KNTC1: variants seen among roughly 807,000 people sequenced by gnomAD.
The protein encoded by KNTC1 is kinetochore-associated protein 1.
KNTC1 carries 253 observed loss-of-function variants against 314.4 expected under a neutral mutation model. The ratio of observed to expected loss-of-function variants is 0.80; its 90% CI spans 0.73 to 0.89. The LOEUF is 0.89. Ranked by LOEUF, KNTC1 falls within the 40% of genes least tolerant of loss-of-function variation. The pLI, the probability that KNTC1 is intolerant of heterozygous loss-of-function variation, is 0.00. For missense variants in KNTC1, 2,475 were observed against 2,572.9 expected (o/e 0.96, Z 0.82); for synonymous variants, 901 against 901.4 (o/e 1.00, Z 0.01).
chr12:122,577,793 T>C lies in KNTC1; in HGVS notation c.2841+2T>C. On this transcript the variant is annotated splice_donor_variant, in intron 31 of 63. Coordinates refer to ENST00000333479, the MANE Select transcript of KNTC1 (RefSeq NM_014708.6). LOFTEE classifies it high-confidence loss of function. ...GAAGAGCCAGATCATTCTAAAGAGG[T>C]GACATTTTCACTAAGTAAAATATAA... 6.2e-7 allele frequency: 1 copy of C among 1,608,666 alleles called. No individual in the cohort carries two copies. Among genetic ancestry groups the C allele is most frequent in the Non-Finnish European group, 8.5e-7 (1 of 1,178,138 alleles).
rs761563809 is a variant in KNTC1 at position 122,620,554 on chromosome 12, A to G, written c.6225A>G (p.Ala2075=). Residue 2075 remains alanine, a synonymous_variant, in exon 60 of 64, where the codon GCA becomes GCG. Coordinates refer to ENST00000333479, the MANE Select transcript of KNTC1 (RefSeq NM_014708.6). ...QYIQLELPAF[A]LACLMLMPHS... ...TCCAGTTAGAACTTCCGGCTTTTGCATTAGCTTGTCTGATGCTCATGCCCC... is the reference window on the plus strand; with the variant it reads ...TCCAGTTAGAACTTCCGGCTTTTGCGTTAGCTTGTCTGATGCTCATGCCCC... The G allele has an allele frequency of 2.4e-5, 38 of 1,613,616 alleles. No individual in the cohort carries two copies. The Middle Eastern group carries it at 8.2e-4, about 35-fold the overall frequency.
chr12:122,610,768 T>TCCA, intron 52 of KNTC1, 54 bp from the exon 53 acceptor site: 2 of 1,129,590 alleles, frequency 1.8e-6, no homozygotes, highest in Non-Finnish European at 2.7e-6. Flanking sequence ...GTCTGTTGTT[T>TCCA]TGGTAATCCA....
chr12:122,546,249 T>C lies in KNTC1; in HGVS notation c.743T>C (p.Ile248Thr), dbSNP rs779505717. 2 of 1,582,372 alleles carry C rather than the reference T, an allele frequency of 1.3e-6. No homozygotes were observed. The highest frequency in any genetic ancestry group is 2.2e-5 in the South Asian group (2 of 90,066). The change falls in exon 9 of 64, where the codon ATT becomes ACT. Residue 248 changes from isoleucine to threonine, a missense_variant. Physicochemically the swap from Ile to Thr is moderately conservative, Grantham distance 89 (BLOSUM62 -1). Transcript: ENST00000333479. ...SKKGMTVKNL[I>T]DAEIIKGAKK... Reference sequence around the variant, plus strand: ...AAAGGAATGACAGTTAAGAACCTTATTGATGCAGAGATTATTAAAGGTAAA... The same window carrying C: ...AAAGGAATGACAGTTAAGAACCTTACTGATGCAGAGATTATTAAAGGTAAA...
intron 24 of KNTC1, among the ~76,000 whole-genome samples, chr12:122,571,794 C>T (rs1054372679): frequency 6.6e-6 from 1 of 151,818 alleles, no homozygotes; most frequent in African/African-American, 2.4e-5. Context: ...CTCAGCCTCC[C>T]GTGTAGCTGG....
Position 122,587,859 on chromosome 12 carries a change from C to T in KNTC1, c.3879C>T (p.Ala1293=), listed in dbSNP as rs553000746. ...LQHSVSNFMN[A]TLSEKLFGET... The stretch of plus-strand genomic sequence containing the variant: ...ACTCTGTGTCAAACTTCATGAATGC[C>T]ACTTTGAGTGAAAAGGTATAGTGTC... Residue 1293 remains alanine, a synonymous_variant, in exon 39 of 64, where the codon GCC becomes GCT. Transcript: ENST00000333479. 6.2e-7 allele frequency: 1 copy of T among 1,613,314 alleles called. No individual in the cohort carries two copies. The highest frequency in any genetic ancestry group is 8.5e-7 in the Non-Finnish European group (1 of 1,179,600).
Position 122,541,435 on chromosome 12 carries a change from T to C in KNTC1, c.446-615T>C, listed in dbSNP as rs546807445. On this transcript the variant is annotated intron_variant, in intron 5 of 63. Coordinates refer to ENST00000333479, the MANE Select transcript of KNTC1 (RefSeq NM_014708.6). ...AATTTCAGCTCACTGCAACCTCCAC[T>C]ACCCGGGTTCAAGCAATTCTCCTGC... Among the ~76,000 whole-genome samples, 55 of 148,884 alleles carry C rather than the reference T, an allele frequency of 3.7e-4. 1 individual carries two copies. The South Asian group carries it at 0.011, about 31-fold the overall frequency.
rs528210080 is a variant in KNTC1 at position 122,561,975 on chromosome 12, G to A, written c.1542+1G>A. On this transcript the variant is annotated splice_donor_variant, in intron 19 of 63. Transcript: ENST00000333479. LOFTEE classifies it high-confidence loss of function. ...CATTTATTCTGATGGCTTGAAAGAG[G>A]TAATTACACTAGATTTCTAGGTTAA... is the stretch of plus-strand genomic sequence containing the variant. 1 of 1,596,744 alleles carries A rather than the reference G, an allele frequency of 6.3e-7. No individual in the cohort carries two copies. Among genetic ancestry groups the A allele is most frequent in the East Asian group, 2.2e-5 (1 of 44,578 alleles).
chr12:122,556,871 C>T (rs774217226), intron 16 of KNTC1, among the ~76,000 whole-genome samples: 4 of 147,910 alleles, frequency 2.7e-5, no homozygotes, highest in Non-Finnish European at 5.9e-5. Context: ...ACCATAATGT[C>T]CTTCAGGTTT....
intron 2 of KNTC1, 146 bp from the exon 3 acceptor site, chr12:122,534,518 G>C (rs749212982): frequency 5.0e-5 from 35 of 700,714 alleles, no homozygotes; most frequent in Non-Finnish European, 7.3e-5. Flanking sequence ...AGAAAAACTC[G>C]ATGATTAATT....
intron 29 of KNTC1, among the ~76,000 whole-genome samples, chr12:122,576,398 A>T (rs1005141056): frequency 6.6e-6 from 1 of 152,112 alleles, no homozygotes; most frequent in Admixed American, 6.6e-5. Context: ...GACACCAAAT[A>T]GGCCAGGTGC....
chr12:122,613,641 T>A lies in KNTC1; in HGVS notation c.5757T>A (p.Cys1919Ter). Residue 1919 changes from cysteine (C) to a stop codon, truncating the protein, a stop_gained, in exon 55 of 64, where the codon TGT (cysteine) becomes TGA (stop). Coordinates refer to ENST00000333479, the MANE Select transcript of KNTC1 (RefSeq NM_014708.6). LOFTEE classifies it high-confidence loss of function. Reference sequence around the variant, plus strand: ...TGTTTTCCAGATCTTATTTGAGATGTATAACTTTTCTGGCATCATTTGAGA... The same window carrying A: ...TGTTTTCCAGATCTTATTTGAGATGAATAACTTTTCTGGCATCATTTGAGA... ...PIEEVKSYLR[C>*]ITFLASFETL... 1 of 1,609,444 alleles carries A rather than the reference T, an allele frequency of 6.2e-7. No individual in the cohort carries two copies.
In KNTC1 at chr12:122,527,295, G is replaced by C. The variant is rs1483240827; in HGVS notation, c.-130G>C. The C allele has an allele frequency of 2.4e-5, 5 of 205,132 alleles. No homozygotes were observed. Among genetic ancestry groups the C allele is most frequent in the Admixed American group, 1.2e-4 (2 of 17,342 alleles). The allele number at this position is 205,132 out of a possible 1,614,324, so 12.7% of individuals were successfully genotyped here. A position where few individuals can be genotyped will look rare whatever the true frequency, so the allele number is the denominator to read the frequency against. On this transcript the variant is annotated 5_prime_UTR_variant, in exon 1 of 64. Coordinates refer to ENST00000333479, the MANE Select transcript of KNTC1 (RefSeq NM_014708.6). Reference sequence around the variant, plus strand: ...ACCTAAAGACTAGAGGCGGTTGTGTGAGTCAGGAAGAGGGGCCAGATATCT... The same window carrying C: ...ACCTAAAGACTAGAGGCGGTTGTGTCAGTCAGGAAGAGGGGCCAGATATCT...
chr12:122,617,334 G>T, intron 57 of KNTC1: 2 of 406,860 alleles, frequency 4.9e-6, no homozygotes, highest in Non-Finnish European at 9.9e-6. Context: ...AAATATACCT[G>T]AAGTTACTTA....
At chr12:122,601,495 A>G (rs1382626733) in intron 44 of KNTC1, 41 bp from the exon 45 acceptor site, 3 of 1,471,192 alleles carry the variant, frequency 2.0e-6, no homozygotes, top group Non-Finnish European at 2.7e-6. Flanking sequence ...TCAACATGGC[A>G]AAGTCTTATC....
chr12:122,610,688 G>T, intron 52 of KNTC1, 134 bp from the exon 53 acceptor site: 1 of 615,746 alleles, frequency 1.6e-6, no homozygotes, highest in East Asian at 2.8e-5. Context: ...AAGCGCAAAT[G>T]TCATTGACCC....
Position 122,626,233 on chromosome 12 carries a change from CTGAACCT to C in KNTC1, c.*7_*13del, listed in dbSNP as rs1452239364. On this transcript the variant is annotated 3_prime_UTR_variant, in exon 64 of 64. Transcript: ENST00000333479. ...TTTCTTAGTGGATTATCGTAAATCA[CTGAACCT>C]TTTTTTCAAGAAGGACAAGAATTTT... 1 of 1,585,738 alleles carries C rather than the reference CTGAACCT, an allele frequency of 6.3e-7. No homozygotes were observed. Among genetic ancestry groups the C allele is most frequent in the East Asian group, 2.2e-5 (1 of 44,696 alleles).
At chr12:122,600,202 C>T (rs1593655328) in intron 44 of KNTC1, among the ~76,000 whole-genome samples, 2 of 152,122 alleles carry the variant, frequency 1.3e-5, no homozygotes, top group South Asian at 4.2e-4. Context: ...TGGGTTCAAG[C>T]GATTCTCCTG....
intron 55 of KNTC1, among the ~76,000 whole-genome samples, chr12:122,614,224 T>G (rs537606018): frequency 6.6e-6 from 1 of 152,274 alleles, no homozygotes; most frequent in Non-Finnish European, 1.5e-5. Context: ...GTGTGGAAGG[T>G]CCTTTTACCT....
intron 31 of KNTC1, among the ~76,000 whole-genome samples, chr12:122,578,397 A>G (rs1008100755): frequency 5.4e-5 from 8 of 147,388 alleles, no homozygotes; most frequent in African/African-American, 2.0e-4. Context: ...ATGCACCACC[A>G]TGCTCAATAG....
Sources: gnomAD v4.1 joint callset for allele counts (sites outside exome capture counted in the v4.1 genomes callset) on GRCh38, gnomAD v4.1.1 for gene constraint, MANE v1.5 for transcripts, NCBI Gene and HGNC (gene_info 2026-07-23, HGNC 2026-07-21) for gene names.